Variants in NRG1 observed in about 807,000 individuals in gnomAD.
NRG1 encodes the protein pro-neuregulin-1, membrane-bound isoform.
Under a neutral mutation model 63.8 loss-of-function variants are expected in NRG1, and 18 were observed. The ratio of observed to expected loss-of-function variants is 0.28; its 90% CI spans 0.19 to 0.42. The LOEUF is 0.42. Ranked by LOEUF, NRG1 falls within the 10% of genes least tolerant of loss-of-function variation. NRG1 has a pLI of 1.00. For missense variants in NRG1, 762 were observed against 814.7 expected, an observed-to-expected ratio of 0.94 and a Z score of 0.79; for synonymous variants, 302 against 301.3, an observed-to-expected ratio of 1.00 and a Z score of -0.02.
intron 1 of NRG1, among the ~76,000 whole-genome samples, chr8:31,792,004 T>C (rs1820759645): frequency 6.6e-6 from 1 of 152,158 alleles, no homozygotes; most frequent in Admixed American, 6.5e-5. Flanking sequence ...TTTCTTGGCA[T>C]ACTTCAAGCC....
At chr8:32,397,992 GA>G (rs1163084708) in intron 1 of NRG1, among the ~76,000 whole-genome samples, 3 of 152,008 alleles carry the variant, frequency 2.0e-5, no homozygotes, top group South Asian at 2.1e-4. Flanking sequence ...CTTCATTAGA[GA>G]AAAAAATCTA....
chr8:31,836,962 T>A (rs1029851914), intron 1 of NRG1, among the ~76,000 whole-genome samples: 4 of 152,086 alleles, frequency 2.6e-5, no homozygotes, highest in African/African-American at 9.7e-5. Context: ...ATTCATACCA[T>A]TCTGACAGGT....
At chr8:32,146,106 G>T (rs1308385314) in intron 1 of NRG1, among the ~76,000 whole-genome samples, 1 of 152,202 alleles carries the variant, frequency 6.6e-6, no homozygotes, top group Non-Finnish European at 1.5e-5. Flanking sequence ...TAATTGCCCA[G>T]TGCCTCTGGA....
intron 1 of NRG1, among the ~76,000 whole-genome samples, chr8:32,216,694 AT>A (rs1845263116): frequency 6.7e-6 from 1 of 150,322 alleles, no homozygotes; most frequent in South Asian, 2.1e-4. Flanking sequence ...TATAATATAA[AT>A]TATATTTTTA....
intron 1 of NRG1, among the ~76,000 whole-genome samples, chr8:32,370,937 C>A (rs114649174): frequency 6.6e-6 from 1 of 151,080 alleles, no homozygotes; most frequent in Non-Finnish European, 1.5e-5. Flanking sequence ...TTTCACTAGC[C>A]GTGGTTGCTC....
chr8:31,951,467 T>C (rs956317960), intron 1 of NRG1, among the ~76,000 whole-genome samples: 3 of 152,208 alleles, frequency 2.0e-5, no homozygotes, highest in African/African-American at 7.2e-5. Context: ...AGTCAATGGC[T>C]GAGATTGCAG....
Position 32,291,006 on chromosome 8 carries a change from C to A in NRG1, c.38-304822C>A, listed in dbSNP as rs115070840. Among the ~76,000 whole-genome samples, 403 of 152,180 alleles carry A rather than the reference C, an allele frequency of 2.6e-3. 1 individual carries two copies. The highest frequency in any genetic ancestry group is 9.5e-3 in the African/African-American group (393 of 41,538). On this transcript the variant is annotated intron_variant, in intron 1 of 10. Transcript: ENST00000519301. ...AGCCAGGAGAACCAATGGTGTAGTT[C>A]CCGTATGAAAGCCAGCAGGCTCCAT...
intron 1 of NRG1, among the ~76,000 whole-genome samples, chr8:31,811,434 A>G (rs936458958): frequency 1.6e-4 from 25 of 152,042 alleles, no homozygotes; most frequent in African/African-American, 5.8e-4. Flanking sequence ...GATAGTTAAA[A>G]TTTTCCCCGA....
At chr8:32,663,059 C>G (rs533856350) in intron 5 of NRG1, among the ~76,000 whole-genome samples, 2 of 152,190 alleles carry the variant, frequency 1.3e-5, no homozygotes, top group Admixed American at 6.5e-5. Flanking sequence ...ACCCACAACA[C>G]GTGATGATGG....
At chr8:32,196,551 G>A (rs182958234) in intron 1 of NRG1, among the ~76,000 whole-genome samples, 7 of 152,260 alleles carry the variant, frequency 4.6e-5, no homozygotes, top group South Asian at 2.1e-4. Flanking sequence ...TGAATCAGTC[G>A]GGTGCTAGCC....
chr8:31,929,023 T>TA (rs928735511), intron 1 of NRG1, among the ~76,000 whole-genome samples: 13 of 151,910 alleles, frequency 8.6e-5, no homozygotes, highest in South Asian at 2.1e-4. Flanking sequence ...GCTATTGAAA[T>TA]AAAAAAAATC....
intron 1 of NRG1, among the ~76,000 whole-genome samples, chr8:32,571,843 G>A (rs185035061): frequency 5.9e-5 from 9 of 152,214 alleles, no homozygotes; most frequent in African/African-American, 1.9e-4. Flanking sequence ...AGACAACTCA[G>A]TAAATAATTA....
chr8:32,031,099 T>C (rs1211863136), intron 1 of NRG1, among the ~76,000 whole-genome samples: 1 of 152,150 alleles, frequency 6.6e-6, no homozygotes, highest in Non-Finnish European at 1.5e-5. Context: ...AGCTGTCTCT[T>C]TGGGGAGGTG....
At chr8:31,857,751 A>G (rs1472237885) in intron 1 of NRG1, among the ~76,000 whole-genome samples, 2 of 152,214 alleles carry the variant, frequency 1.3e-5, no homozygotes, top group African/African-American at 2.4e-5. Context: ...ATTTTAGACT[A>G]TGAAAGTGAT....
chr8:32,360,538 GC>G (rs1233751791), intron 1 of NRG1, among the ~76,000 whole-genome samples: 3 of 152,160 alleles, frequency 2.0e-5, no homozygotes, highest in Non-Finnish European at 2.9e-5. Context: ...ATTTTATGAT[GC>G]TTGTGGCTTT....
intron 1 of NRG1, among the ~76,000 whole-genome samples, chr8:31,687,065 G>A (rs577287657): frequency 4.6e-5 from 7 of 152,142 alleles, no homozygotes; most frequent in Admixed American, 6.6e-5. Flanking sequence ...CTCTGTGCCC[G>A]GCCCAGGATG....
In NRG1 at chr8:31,758,233, C is replaced by T. The variant is rs62508563; in HGVS notation, c.37+118802C>T. On this transcript the variant is annotated intron_variant, in intron 1 of 10. Transcript: ENST00000519301. Reference sequence around the variant, plus strand: ...TAGACTCCCACCCCACAAAAGGCCCCGGTGTGTGATGTTCCCCGCTCTGTG... The same window carrying T: ...TAGACTCCCACCCCACAAAAGGCCCTGGTGTGTGATGTTCCCCGCTCTGTG... Among the ~76,000 whole-genome samples the T allele has an allele frequency of 8.5e-3, 1,292 of 151,958 alleles. 17 individuals carry two copies. Among genetic ancestry groups the T allele is most frequent in the African/African-American group, 0.029 (1,219 of 41,508 alleles).
chr8:31,693,158 G>T (rs1223065923), intron 1 of NRG1, among the ~76,000 whole-genome samples: 3 of 152,116 alleles, frequency 2.0e-5, no homozygotes, highest in Non-Finnish European at 2.9e-5. Context: ...GGACTTTGTT[G>T]TCATAGTTCC....
intron 5 of NRG1, among the ~76,000 whole-genome samples, chr8:32,698,218 A>G (rs1190240677): frequency 1.3e-5 from 2 of 150,432 alleles, no homozygotes; most frequent in East Asian, 1.9e-4. Context: ...AAAAAAAAAT[A>G]TATGAAAAGG....
Sources: gnomAD v4.1 joint callset for allele counts (sites outside exome capture counted in the v4.1 genomes callset) on GRCh38, gnomAD v4.1.1 for gene constraint, MANE v1.5 for transcripts, NCBI Gene and HGNC (gene_info 2026-07-23, HGNC 2026-07-21) for gene names.